Variants in SP1 observed in about 807,000 individuals in gnomAD.
SP1 encodes the protein transcription factor Sp1.
SP1 carries 6 observed loss-of-function variants against 66.3 expected under a neutral mutation model. That is an observed-to-expected ratio of 0.09 (90% CI 0.05 to 0.18). The LOEUF (loss-of-function observed/expected upper bound fraction) is 0.18. Ranked by LOEUF, SP1 falls within the 10% of genes least tolerant of loss-of-function variation. The pLI is 1.00. For synonymous variants in SP1, 417 were observed against 360.8 expected (o/e 1.16, Z -1.77); for missense variants, 848 against 964.5 (o/e 0.88, Z 1.60).
At chr12:53,408,568 T>A (rs1411488754) in intron 4 of SP1, among the ~76,000 whole-genome samples, 1 of 150,510 alleles carries the variant, frequency 6.6e-6, no homozygotes, top group Admixed American at 6.6e-5. Context: ...AGTGTTGGGA[T>A]TACAGGCGTG....
chr12:53,380,307 G>T lies in SP1; in HGVS notation c.7+9G>T. ...AGCTGCCACCATGAGCGGTAAGGATGAGTCCACTCCAAGCTTAGGGGTGGG... is the reference window on the plus strand; with the variant it reads ...AGCTGCCACCATGAGCGGTAAGGATTAGTCCACTCCAAGCTTAGGGGTGGG... On this transcript the variant is annotated intron_variant, in intron 1 of 5. Transcript: ENST00000327443. The T allele has an allele frequency of 1.0e-5, 16 of 1,597,224 alleles. No homozygotes were observed. Among genetic ancestry groups the T allele is most frequent in the Non-Finnish European group, 1.4e-5 (16 of 1,171,182 alleles).
At chr12:53,384,276 C>CT (rs561468680) in intron 3 of SP1, among the ~76,000 whole-genome samples, 1 of 147,876 alleles carries the variant, frequency 6.8e-6, no homozygotes, top group Non-Finnish European at 1.5e-5. Context: ...GCTTTCTTTT[C>CT]TTTTTTTTCT....
At chr12:53,381,521 T>A (rs769822049) in intron 1 of SP1, 138 bp from the exon 2 acceptor site, 3 of 714,078 alleles carry the variant, frequency 4.2e-6, no homozygotes, top group Non-Finnish European at 6.7e-6. Context: ...CCCTCTGCCC[T>A]CCAATCCATT....
chr12:53,403,045 G>A (rs1490636762), intron 3 of SP1, among the ~76,000 whole-genome samples: 1 of 152,004 alleles, frequency 6.6e-6, no homozygotes, highest in African/African-American at 2.4e-5. Flanking sequence ...CTACTCGGGA[G>A]GCTGAGGTAG....
chr12:53,380,185 T>A lies in SP1; in HGVS notation c.-107T>A. The A allele has an allele frequency of 7.7e-6, 5 of 648,716 alleles. No homozygotes were observed. The highest frequency in any genetic ancestry group is 8.4e-6 in the Non-Finnish European group (3 of 357,934). The allele number at this position is 648,716 out of a possible 1,614,324, so 40.2% of individuals were successfully genotyped here. A position where few individuals can be genotyped will look rare whatever the true frequency, so the allele number is the denominator to read the frequency against. On this transcript the variant is annotated 5_prime_UTR_variant, in exon 1 of 6. Coordinates refer to ENST00000327443, the MANE Select transcript of SP1 (RefSeq NM_138473.3). ...CTGCTCCCTCCTCCTTACCCCCCCC[T>A]CCCTGTCCGGTCCGGGTTCGCTTGC...
intron 2 of SP1, 100 bp from the exon 3 acceptor site, chr12:53,382,010 T>A (rs1938111743): frequency 3.2e-6 from 4 of 1,263,468 alleles, no homozygotes; most frequent in Non-Finnish European, 1.1e-6. Context: ...TGTTTTTTGC[T>A]CCTTGTCTGC....
chr12:53,408,954 C>T (rs541447872), intron 4 of SP1, among the ~76,000 whole-genome samples: 1 of 152,000 alleles, frequency 6.6e-6, no homozygotes, highest in African/African-American at 2.4e-5. Flanking sequence ...AGTGCAGTGG[C>T]TCACGCCTGT....
At chr12:53,394,517 C>T (rs1938431730) in intron 3 of SP1, among the ~76,000 whole-genome samples, 1 of 144,178 alleles carries the variant, frequency 6.9e-6, no homozygotes, top group African/African-American at 2.6e-5. Flanking sequence ...AGTGGGTCTG[C>T]TTCAGCCTCC....
rs1386246569 is a variant in SP1 at position 53,412,677 on chromosome 12, C to G, written c.*1437C>G. On this transcript the variant is annotated 3_prime_UTR_variant, in exon 6 of 6. Transcript: ENST00000327443. ...TGATCATGGGAATGATAGCCCAGAA[C>G]AAAAAGAAATCTTGTCTTACCACAG... 1 of 152,496 alleles carries G rather than the reference C, an allele frequency of 6.6e-6. No individual in the cohort carries two copies. Among genetic ancestry groups the G allele is most frequent in the Non-Finnish European group, 1.5e-5 (1 of 68,006 alleles). The allele number at this position is 152,496 out of a possible 1,614,324, so 9.4% of individuals were successfully genotyped here.
chr12:53,383,085 T>C lies in SP1; in HGVS notation c.1138T>C (p.Leu380=), dbSNP rs1938146150. Residue 380 remains leucine, a synonymous_variant, in exon 3 of 6, where the codon TTG becomes CTG. Transcript: ENST00000327443. ...IQQNQTSGGS[L]QAGQQKEGEQ... ...GCAAAACCAGACATCTGGAGGCTCA[T>C]TGCAAGCAGGCCAGCAAAAAGAAGG... is the stretch of plus-strand genomic sequence containing the variant. 2 of 1,614,022 alleles carry C rather than the reference T, an allele frequency of 1.2e-6. No individual in the cohort carries two copies. Among genetic ancestry groups the C allele is most frequent in the East Asian group, 2.2e-5 (1 of 44,894 alleles).
chr12:53,402,626 G>A (rs1197337040), intron 3 of SP1, among the ~76,000 whole-genome samples: 2 of 150,380 alleles, frequency 1.3e-5, no homozygotes, highest in Non-Finnish European at 3.0e-5. Context: ...ATCACCTAAG[G>A]TCAGGAGTTT....
rs1176658525 is a variant in SP1 at position 53,381,887 on chromosome 12, C to T, written c.162+74C>T. The stretch of plus-strand genomic sequence containing the variant: ...TCTTAGATAATTGCCTTACTCTTCA[C>T]AGAAAGCGTTTTAGGGAGAGACTAA... On this transcript the variant is annotated intron_variant, in intron 2 of 5. Transcript: ENST00000327443. 5 of 1,517,132 alleles carry T rather than the reference C, an allele frequency of 3.3e-6. No homozygotes were observed. The Admixed American group carries it at 6.3e-5, about 19-fold the overall frequency. The allele number at this position is 1,517,132 out of a possible 1,614,324, so 94.0% of individuals were successfully genotyped here. A position where few individuals can be genotyped will look rare whatever the true frequency, so the allele number is the denominator to read the frequency against.
intron 3 of SP1, among the ~76,000 whole-genome samples, chr12:53,404,772 A>G (rs939166499): frequency 6.6e-6 from 1 of 151,664 alleles, no homozygotes; most frequent in African/African-American, 2.4e-5. Flanking sequence ...GGCTCAAGCA[A>G]TCTTCCTCCC....
Position 53,385,008 on chromosome 12 carries a change from C to T in SP1, c.1675+1386C>T, listed in dbSNP as rs189471442. Among the ~76,000 whole-genome samples, 42 of 149,124 alleles carry T rather than the reference C, an allele frequency of 2.8e-4. 1 individual carries two copies. The East Asian group carries it at 7.3e-3, about 26-fold the overall frequency. On this transcript the variant is annotated intron_variant, in intron 3 of 5. Coordinates refer to ENST00000327443, the MANE Select transcript of SP1 (RefSeq NM_138473.3). ...AAAAAAAAAAAATACAAAAATTAGT[C>T]GGGTGGCTGGGCACGGTGGCTCACG...
Position 53,411,338 on chromosome 12 carries a change from A to G in SP1, c.*98A>G. The G allele has an allele frequency of 1.0e-5, 10 of 999,250 alleles. No individual in the cohort carries two copies. Among genetic ancestry groups the G allele is most frequent in the Non-Finnish European group, 1.5e-5 (10 of 678,954 alleles). 61.9% of individuals were successfully genotyped at this position (999,250 alleles called of 1,614,324 possible). ...AGAGACATGGAAGAGAGAGCCATGA[A>G]GCATTAAAATGCATGGTGTTGAGAA... On this transcript the variant is annotated 3_prime_UTR_variant, in exon 6 of 6. Coordinates refer to ENST00000327443, the MANE Select transcript of SP1 (RefSeq NM_138473.3).
chr12:53,382,356 TC>T lies in SP1; in HGVS notation c.411del (p.Lys138ArgfsTer24). On this transcript the variant is annotated frameshift_variant, in exon 3 of 6. Coordinates refer to ENST00000327443, the MANE Select transcript of SP1 (RefSeq NM_138473.3). LOFTEE classifies it high-confidence loss of function. ...CAATGGCAGCAATGGCAGTGAGTCT[TC>T]CAAGAATCGCACAGTCTCTGGTGGG... ...STNGSNGSES[S>X]KNRTVSGGQY... 6.2e-7 allele frequency: 1 copy of T among 1,614,180 alleles called. No homozygotes were observed. Among genetic ancestry groups the T allele is most frequent in the Non-Finnish European group, 8.5e-7 (1 of 1,180,032 alleles).
intron 1 of SP1, 60 bp downstream of exon 1, chr12:53,380,358 G>A: frequency 7.3e-7 from 1 of 1,366,972 alleles, no homozygotes; most frequent in Non-Finnish European, 9.7e-7. Flanking sequence ...CGCGCGCGAG[G>A]GCCGACCGGG....
At chr12:53,381,604 A>C in intron 1 of SP1, 55 bp from the exon 2 acceptor site, 39 of 1,419,522 alleles carry the variant, frequency 2.7e-5, no homozygotes, top group Non-Finnish European at 3.5e-5. Context: ...TATCCTTCCT[A>C]CTTCATTTCT....
At chr12:53,397,464 ATTT>A (rs62722560) in intron 3 of SP1, among the ~76,000 whole-genome samples, 1,437 of 137,354 alleles carry the variant, frequency 0.01, 22 homozygotes, top group African/African-American at 0.036. Flanking sequence ...TAATATAGTA[ATTT>A]TTTTTTTTTT....
Sources: gnomAD v4.1 joint callset for allele counts (sites outside exome capture counted in the v4.1 genomes callset) on GRCh38, gnomAD v4.1.1 for gene constraint, MANE v1.5 for transcripts, NCBI Gene and HGNC (gene_info 2026-07-23, HGNC 2026-07-21) for gene names.